Variants in MLKL observed in about 807,000 individuals in gnomAD.
MLKL encodes mixed lineage kinase domain-like protein.
Under a neutral mutation model 56.5 loss-of-function variants are expected in MLKL, and 55 were observed. The observed-to-expected ratio is 0.97, with a 90% CI of 0.78 to 1.22. The LOEUF is 1.22. MLKL is among the 50% of genes most tolerant of loss of function. The pLI is 0.00. For synonymous variants in MLKL, 251 were observed against 208.3 expected, an observed-to-expected ratio of 1.20 and a Z score of -1.76; for missense variants, 694 against 573.9, an observed-to-expected ratio of 1.21 and a Z score of -2.14.
chr16:74,683,460 G>C (rs553119721), intron 5 of MLKL, among the ~76,000 whole-genome samples: 3 of 151,822 alleles, frequency 2.0e-5, no homozygotes, highest in Admixed American at 2.0e-4. Flanking sequence ...GCCAGGTGTG[G>C]TGGGACATGC....
chr16:74,675,812 A>C, intron 7 of MLKL, 48 bp from the exon 8 acceptor site: 1 of 1,590,480 alleles, frequency 6.3e-7, no homozygotes, highest in Non-Finnish European at 8.6e-7. Flanking sequence ...TCTTGGGTAG[A>C]GGAGTAAAGG....
Position 74,695,625 on chromosome 16 carries a change from G to A in MLKL, c.133C>T (p.Leu45Phe), listed in dbSNP as rs756817494. 2 of 1,614,214 alleles carry A rather than the reference G, an allele frequency of 1.2e-6. No homozygotes were observed. The highest frequency in any genetic ancestry group is 1.7e-6 in the Non-Finnish European group (2 of 1,180,048). Residue 45 changes from leucine (L) to phenylalanine (F), a missense_variant, in exon 2 of 11, where the codon CTC becomes TTC. Leu to Phe is a conservative substitution (Grantham distance 22). Transcript: ENST00000308807. ...ACGCTCCTCTTTCCTTGGTCCTGGA[G>A]CATCTCCAGAGGCTTGATCAGGCCG... The part of the protein sequence containing the change: ...VLGLIKPLEM[L>F]QDQGKRSVPS...
chr16:74,685,653 G>T, intron 4 of MLKL, 70 bp from the exon 5 acceptor site: 2 of 1,262,380 alleles, frequency 1.6e-6, no homozygotes, highest in South Asian at 2.5e-5. Context: ...TCAGTGTGGT[G>T]ACCCTCTGTG....
At position 74,685,518 on chromosome 16, in the gene MLKL, A is replaced by C. The variant is rs761986332; in HGVS notation, c.788T>G (p.Leu263Arg). Residue 263 changes from leucine to arginine, a missense_variant, in exon 5 of 11, where the codon CTG (leucine) becomes CGG (arginine). Leu to Arg is a moderately radical substitution (Grantham distance 102, BLOSUM62 -2). Coordinates refer to ENST00000308807, the MANE Select transcript of MLKL (RefSeq NM_152649.4). ...ATCAATGCAAATCCCAAATATACGC[A>C]GGATGTTGGGAGATTCGAATTTCTT... The part of the protein sequence containing the change: ...TMKKFESPNI[L>R]RIFGICIDET... 1 of 1,614,050 alleles carries C rather than the reference A, an allele frequency of 6.2e-7. No homozygotes were observed. Among genetic ancestry groups the C allele is most frequent in the African/African-American group, 1.3e-5 (1 of 75,022 alleles).
At chr16:74,696,315 A>G (rs1373920163) in intron 1 of MLKL, among the ~76,000 whole-genome samples, 3 of 152,230 alleles carry the variant, frequency 2.0e-5, no homozygotes, top group African/African-American at 7.2e-5. Flanking sequence ...TATTACAGAT[A>G]TATCCTGCTA....
chr16:74,685,783 G>T (rs1960290464), intron 4 of MLKL, among the ~76,000 whole-genome samples, 200 bp from the exon 5 acceptor site: 1 of 152,154 alleles, frequency 6.6e-6, no homozygotes, highest in Non-Finnish European at 1.5e-5. Context: ...GTCCCTCGGG[G>T]TCTGTCAGAT....
chr16:74,691,277 G>T lies in MLKL; in HGVS notation c.722C>A (p.Ala241Glu). Reference protein sequence around the residue: ...VFKKLQAGSIAIVRQTFNKEI... With the variant: ...VFKKLQAGSIEIVRQTFNKEI... ...GAGAGAACCACACAAAACAACTTAC[G>T]CAATGCTGCCAGCCTGGAGTTTTTT... Residue 241 changes from alanine (A) to glutamate (E), a missense_variant and splice_region_variant, in exon 4 of 11, where the codon GCA (alanine) becomes GAA (glutamate). Transcript: ENST00000308807. 6.2e-7 allele frequency: 1 copy of T among 1,608,726 alleles called. No homozygotes were observed. Among genetic ancestry groups the T allele is most frequent in the South Asian group, 1.1e-5 (1 of 90,504 alleles).
chr16:74,672,334 T>A lies in MLKL; in HGVS notation c.*170A>T, dbSNP rs910657730. On this transcript the variant is annotated 3_prime_UTR_variant, in exon 11 of 11. Coordinates refer to ENST00000308807, the MANE Select transcript of MLKL (RefSeq NM_152649.4). ...ATGTTTTTGGAAATATCATTTGGAGTGGGATGTGTCCTGTATGACTGGAAT... is the reference window on the plus strand; with the variant it reads ...ATGTTTTTGGAAATATCATTTGGAGAGGGATGTGTCCTGTATGACTGGAAT... 4 of 566,764 alleles carry A rather than the reference T, an allele frequency of 7.1e-6. No homozygotes were observed. The highest frequency in any genetic ancestry group is 2.7e-5 in the Admixed American group (1 of 37,534). 35.1% of individuals were successfully genotyped at this position (566,764 alleles called of 1,614,324 possible).
chr16:74,691,093 G>T (rs1202348453), intron 4 of MLKL, among the ~76,000 whole-genome samples, 184 bp downstream of exon 4: 1 of 151,540 alleles, frequency 6.6e-6, no homozygotes, highest in African/African-American at 2.4e-5. Flanking sequence ...AAGGAGAGAA[G>T]ACCTAGAACT....
intron 5 of MLKL, 63 bp from the exon 6 acceptor site, chr16:74,682,849 C>A (rs1798442837): frequency 1.3e-6 from 2 of 1,576,464 alleles, no homozygotes; most frequent in Non-Finnish European, 1.7e-6. Context: ...ATGTCTGCAG[C>A]CCACCTCTCC....
chr16:74,673,517 C>G (rs1465287019), intron 10 of MLKL, among the ~76,000 whole-genome samples: 1 of 152,050 alleles, frequency 6.6e-6, no homozygotes, highest in Non-Finnish European at 1.5e-5. Context: ...TGCACCCGGC[C>G]CCTTCTCTCT....
chr16:74,685,341 A>G, intron 5 of MLKL, 145 bp downstream of exon 5: 2 of 293,356 alleles, frequency 6.8e-6, no homozygotes, highest in East Asian at 1.5e-4. Flanking sequence ...TCTTGGGATG[A>G]AAAAAAAAAA....
Position 74,679,060 on chromosome 16 carries a change from T to A in MLKL, c.957-80A>T, listed in dbSNP as rs1959780370. The stretch of plus-strand genomic sequence containing the variant: ...GGACTGACAATCATAACTGGGCTGA[T>A]GAGGCTGGACAGTACCATGGGTGCC... On this transcript the variant is annotated intron_variant, in intron 6 of 10. Transcript: ENST00000308807. The A allele has an allele frequency of 3.5e-6, 4 of 1,159,142 alleles. No individual in the cohort carries two copies. In the Admixed American group the frequency reaches 7.1e-5, roughly 21 times the overall value. The allele number at this position is 1,159,142 out of a possible 1,614,324, so 71.8% of individuals were successfully genotyped here. A position where few individuals can be genotyped will look rare whatever the true frequency, so the allele number is the denominator to read the frequency against.
intron 6 of MLKL, among the ~76,000 whole-genome samples, chr16:74,682,149 G>C (rs556228932): frequency 6.6e-6 from 1 of 152,078 alleles, no homozygotes; most frequent in East Asian, 1.9e-4. Context: ...CAGCTTCTCA[G>C]GAGGCTAAGG....
chr16:74,682,388 A>C (rs1045753202), intron 6 of MLKL, among the ~76,000 whole-genome samples: 13 of 152,214 alleles, frequency 8.5e-5, no homozygotes, highest in African/African-American at 3.1e-4. Flanking sequence ...TTTTATGCTA[A>C]ATCTGTCCAC....
At position 74,695,837 on chromosome 16, in the gene MLKL, C is replaced by T. The variant is rs1171790450; in HGVS notation, c.-2-78G>A. On this transcript the variant is annotated intron_variant, in intron 1 of 10. Transcript: ENST00000308807. ...CTACTTGGCTAAGAAAGAATCAAAG[C>T]GGTCTGTGACTTAAATGCCTGAGGA... The T allele has an allele frequency of 2.8e-5, 36 of 1,299,612 alleles. No homozygotes were observed. The East Asian group carries it at 5.3e-4, about 19-fold the overall frequency. 80.5% of individuals were successfully genotyped at this position (1,299,612 alleles called of 1,614,324 possible).
At chr16:74,675,824 C>T in intron 7 of MLKL, 60 bp from the exon 8 acceptor site, 1 of 1,555,102 alleles carries the variant, frequency 6.4e-7, no homozygotes, top group Non-Finnish European at 8.8e-7. Flanking sequence ...GAGTAAAGGG[C>T]AGGGATTGTT....
At chr16:74,684,437 A>AG (rs888561961) in intron 5 of MLKL, among the ~76,000 whole-genome samples, 11 of 150,352 alleles carry the variant, frequency 7.3e-5, no homozygotes, top group African/African-American at 2.7e-4. Context: ...AAAAGAAAAA[A>AG]AAAAAAAAAA....
chr16:74,687,233 C>A (rs1960386357), intron 4 of MLKL, among the ~76,000 whole-genome samples: 1 of 152,126 alleles, frequency 6.6e-6, no homozygotes, highest in African/African-American at 2.4e-5. Context: ...GCCTCAGCCT[C>A]CCAAAGTGCT....
Sources: gnomAD v4.1 joint callset for allele counts (sites outside exome capture counted in the v4.1 genomes callset) on GRCh38, gnomAD v4.1.1 for gene constraint, MANE v1.5 for transcripts, NCBI Gene and HGNC (gene_info 2026-07-23, HGNC 2026-07-21) for gene names.